LINGO2: variants seen among roughly 807,000 people sequenced by gnomAD.
The protein encoded by LINGO2 is leucine rich repeat and Ig domain containing 2.
A neutral mutation model predicts 30.6 loss-of-function variants in LINGO2; 14 were observed. That is an observed-to-expected ratio of 0.46 (90% CI 0.30 to 0.72). The LOEUF (loss-of-function observed/expected upper bound fraction) is 0.72. Ranked by LOEUF, LINGO2 falls within the 30% of genes least tolerant of loss-of-function variation. The probability of loss-of-function intolerance (pLI) is 0.07; values close to 1 mark genes in which losing one functional copy is unlikely to be tolerated. For missense variants in LINGO2, 729 were observed against 751.7 expected, an observed-to-expected ratio of 0.97 and a Z score of 0.35; for synonymous variants, 317 against 288.5, an observed-to-expected ratio of 1.10 and a Z score of -1.00.
intron 4 of LINGO2, among the ~76,000 whole-genome samples, chr9:28,258,349 T>C (rs1265658397): frequency 6.6e-6 from 1 of 151,914 alleles, no homozygotes; most frequent in Non-Finnish European, 1.5e-5. Flanking sequence ...TCTCTTATTT[T>C]TCCCAAGAGT....
At chr9:28,450,692 A>G (rs981908639) in intron 2 of LINGO2, among the ~76,000 whole-genome samples, 5 of 152,026 alleles carry the variant, frequency 3.3e-5, no homozygotes, top group Admixed American at 2.0e-4. Context: ...CCATCAATCC[A>G]TGCCGTATGT....
chr9:28,973,662 C>T, the LINGO2 span, among the ~76,000 whole-genome samples: 2 of 152,260 alleles, frequency 1.3e-5, no homozygotes, highest in African/African-American at 4.8e-5. Context: ...TCAATTAAAC[C>T]TCTTTCCTTT....
At chr9:29,185,592 G>T in the LINGO2 span, among the ~76,000 whole-genome samples, 24 of 152,238 alleles carry the variant, frequency 1.6e-4, no homozygotes, top group African/African-American at 5.5e-4. Context: ...TTTTGCAAAG[G>T]TCATTTGTAT....
chr9:28,667,519 G>A (rs949204936), intron 1 of LINGO2, among the ~76,000 whole-genome samples: 9 of 152,084 alleles, frequency 5.9e-5, no homozygotes, highest in African/African-American at 1.9e-4. Flanking sequence ...CATGGCAAGT[G>A]GATCATTTGA....
rs145643024 is a variant in LINGO2, at chr9:28,164,628, G to T, written c.-87+130580C>A. Among the ~76,000 whole-genome samples the T allele has an allele frequency of 7.3e-3, 1,114 of 152,250 alleles. 25 individuals are homozygous for T. Among genetic ancestry groups the T allele is most frequent in the African/African-American group, 0.025 (1,039 of 41,538 alleles). On this transcript the variant is annotated intron_variant, in intron 4 of 5. Coordinates refer to ENST00000379992, the Ensembl canonical transcript of LINGO2. ...TCTTGAGAGTACAAAGGAAGCAAAG[G>T]TCACCTTGATATCAGGCAATCTGAA... is the stretch of plus-strand genomic sequence containing the variant.
At chr9:29,085,281 T>TAAAAAAAAAAAAAAAAAAAAAAAA in the LINGO2 span, among the ~76,000 whole-genome samples, 1 of 77,036 alleles carries the variant, frequency 1.3e-5, no homozygotes, top group Non-Finnish European at 2.7e-5. Flanking sequence ...CTATGGTAAG[T>TAAAAAAAAAAAAAAAAAAAAAAAA]AAAAAAAAAA....
intron 3 of LINGO2, among the ~76,000 whole-genome samples, chr9:28,297,725 A>G (rs142811322): frequency 4.1e-4 from 62 of 152,338 alleles, no homozygotes; most frequent in South Asian, 2.5e-3. Flanking sequence ...TCACTCTTAT[A>G]TCTTCTTCCA....
At position 28,659,958 on chromosome 9, in the gene LINGO2, T is replaced by G. The variant is rs1425654672; in HGVS notation, c.-365+10242A>C. On this transcript the variant is annotated intron_variant, in intron 1 of 5. Coordinates refer to ENST00000379992, the Ensembl canonical transcript of LINGO2. ...TTACAAAGGGACATCTTAAATGTTC[T>G]GCAGGAGGAAGTAAATAATCCTGGA... is the stretch of plus-strand genomic sequence containing the variant. 4.6e-5 allele frequency among the ~76,000 whole-genome samples: 7 copies of G among 152,322 alleles called. No individual in the cohort carries two copies. In the East Asian group the frequency reaches 7.7e-4, roughly 17 times the overall value.
At chr9:28,010,353 CAT>C (rs916473504) in intron 5 of LINGO2, among the ~76,000 whole-genome samples, 4 of 152,192 alleles carry the variant, frequency 2.6e-5, no homozygotes, top group African/African-American at 9.7e-5. Context: ...TCTGCCCTAA[CAT>C]AGTTTGTAAC....
At chr9:28,658,981 A>G (rs1407808003) in intron 1 of LINGO2, among the ~76,000 whole-genome samples, 2 of 152,142 alleles carry the variant, frequency 1.3e-5, no homozygotes, top group African/African-American at 2.4e-5. Context: ...GCAATGTGGT[A>G]AAATGTTAAC....
chr9:28,630,766 A>G (rs746134837), intron 1 of LINGO2, among the ~76,000 whole-genome samples: 2 of 152,122 alleles, frequency 1.3e-5, no homozygotes, highest in Non-Finnish European at 2.9e-5. Context: ...TAATATTTAT[A>G]TCTACAAATC....
the LINGO2 span, among the ~76,000 whole-genome samples, chr9:28,910,153 C>G: frequency 3.9e-5 from 6 of 151,950 alleles, no homozygotes; most frequent in South Asian, 1.2e-3. Context: ...GTACTTTCAA[C>G]CAATGTTATA....
At chr9:28,986,843 A>C in the LINGO2 span, among the ~76,000 whole-genome samples, 1 of 152,038 alleles carries the variant, frequency 6.6e-6, no homozygotes, top group Non-Finnish European at 1.5e-5. Flanking sequence ...AAAGTAAAAA[A>C]CAGAATGGTT....
At chr9:29,200,986 C>A in the LINGO2 span, among the ~76,000 whole-genome samples, 1 of 151,972 alleles carries the variant, frequency 6.6e-6, no homozygotes, top group Admixed American at 6.6e-5. Context: ...ATCATTCTCA[C>A]TATATCAAGG....
intron 4 of LINGO2, among the ~76,000 whole-genome samples, chr9:28,104,317 T>C (rs556161473): frequency 7.7e-6 from 1 of 129,852 alleles, no homozygotes; most frequent in African/African-American, 2.8e-5. Flanking sequence ...CAATGACGAA[T>C]GAGAAACATG....
intron 3 of LINGO2, among the ~76,000 whole-genome samples, chr9:28,371,912 GT>G (rs1175523008): frequency 6.6e-6 from 1 of 152,142 alleles, no homozygotes; most frequent in East Asian, 1.9e-4. Flanking sequence ...ATAGGTGAAG[GT>G]TTATTGCTAG....
the LINGO2 span, among the ~76,000 whole-genome samples, chr9:28,810,239 C>T: frequency 6.6e-6 from 1 of 152,140 alleles, no homozygotes; most frequent in East Asian, 1.9e-4. Context: ...GTTTTATTTG[C>T]ATGGTGAATC....
the LINGO2 span, among the ~76,000 whole-genome samples, chr9:28,907,454 G>C: frequency 1.3e-5 from 2 of 151,752 alleles, no homozygotes; most frequent in Admixed American, 6.6e-5. Flanking sequence ...CAACAGTGTA[G>C]TAGATTTCTA....
intron 4 of LINGO2, among the ~76,000 whole-genome samples, chr9:28,137,792 G>A (rs1421812288): frequency 1.3e-5 from 2 of 151,976 alleles, no homozygotes; most frequent in Non-Finnish European, 2.9e-5. Context: ...ATAAAAAATA[G>A]ATTTTTCCCA....
Sources: allele counts gnomAD v4.1 joint callset (sites outside exome capture counted in the v4.1 genomes callset), GRCh38; gene constraint gnomAD v4.1.1; transcripts MANE v1.5; gene names NCBI Gene and HGNC (gene_info 2026-07-23, HGNC 2026-07-21).